SYNE1: variants seen among roughly 807,000 people sequenced by gnomAD.
SYNE1 encodes spectrin repeat containing nuclear envelope protein 1.
In SYNE1, 616 loss-of-function variants were observed where a neutral mutation model predicts 1,111.0. The observed-to-expected ratio is 0.55, with a 90% CI of 0.52 to 0.59. The LOEUF (loss-of-function observed/expected upper bound fraction) is 0.59. Ranked by LOEUF, SYNE1 falls within the 20% of genes least tolerant of loss-of-function variation. SYNE1 has a pLI of 0.00. For missense variants in SYNE1, 10,006 were observed against 10,417.0 expected (o/e 0.96, Z 1.72); for synonymous variants, 3,855 against 3,825.8 (o/e 1.01, Z -0.28).
intron 60 of SYNE1, 97 bp from the exon 61 acceptor site, chr6:152,369,224 C>T (rs559869675): frequency 1.3e-6 from 2 of 1,516,910 alleles, no homozygotes; most frequent in Admixed American, 3.7e-5. Context: ...CACTGGCAGG[C>T]AGTCCGTGTA....
At position 152,281,960 on chromosome 6, in the gene SYNE1, C is replaced by T. The variant is rs1188706681; in HGVS notation, c.18228G>A (p.Leu6076=). ...GGGCCTGTTCCTGCCTTTGTTCCTC[C>T]AGCTGATCATTCAACTTCTCCTGTT... ...QLLEEKLNDQ[L]EEQRQEQALQ... is the part of the protein sequence containing the mutation. The change falls in exon 97 of 146, where the codon CTG becomes CTA. Residue 6076 remains leucine, a synonymous_variant. Coordinates refer to ENST00000367255, the MANE Select transcript of SYNE1 (RefSeq NM_182961.4). 25 of 1,613,916 alleles carry T rather than the reference C, an allele frequency of 1.5e-5. No homozygotes were observed. The highest frequency in any genetic ancestry group is 2.0e-5 in the Non-Finnish European group (24 of 1,180,038).
chr6:152,156,145 A>T (rs2061339669), intron 131 of SYNE1, 48 bp from the exon 132 acceptor site: 1 of 1,608,418 alleles, frequency 6.2e-7, no homozygotes, highest in African/African-American at 1.3e-5. Context: ...ATGTATACAG[A>T]TGAGAGAAAC....
chr6:152,626,961 G>T (rs1018275413), intron 3 of SYNE1, among the ~76,000 whole-genome samples: 1 of 152,188 alleles, frequency 6.6e-6, no homozygotes, highest in Admixed American at 6.5e-5. Flanking sequence ...CAAAGAAAGT[G>T]GGTCTGTGAC....
At position 152,284,000 on chromosome 6, in the gene SYNE1, G is replaced by C; in HGVS notation, c.18185C>G (p.Ser6062Trp). The change falls in exon 96 of 146, where the codon TCG (serine) becomes TGG (tryptophan). Residue 6062 changes from serine to tryptophan, a missense_variant. Ser to Trp is a radical substitution (Grantham distance 177). This residue lies in a region of SYNE1 where 99 missense variants were observed against 147.8 expected (regional missense o/e 0.67). Transcript: ENST00000367255. Reference sequence around the variant, plus strand: ...TACCTCCAAAAGCTGCCGTTTCCCCGAGGCTTTCATCCTGATGGTGGACAT... The same window carrying C: ...TACCTCCAAAAGCTGCCGTTTCCCCCAGGCTTTCATCCTGATGGTGGACAT... ...ERMSTIRMKA[S>W]GKRQLLEEKL... 1 of 1,614,168 alleles carries C rather than the reference G, an allele frequency of 6.2e-7. No individual in the cohort carries two copies. Among genetic ancestry groups the C allele is most frequent in the Non-Finnish European group, 8.5e-7 (1 of 1,180,038 alleles).
rs767508394 is a variant in SYNE1, at chr6:152,300,673, G to A, written c.17650C>T (p.Pro5884Ser). ...SSPPACRSPSPVANTDASVNQ... is the reference protein window; with the variant it reads ...SSPPACRSPSSVANTDASVNQ... ...ACAGAAGCATCTGTATTAGCCACAGGTGAAGGGGAGCGACAGGCAGGTGGA... is the reference window on the plus strand; with the variant it reads ...ACAGAAGCATCTGTATTAGCCACAGATGAAGGGGAGCGACAGGCAGGTGGA... The change falls in exon 93 of 146, where the codon CCT (proline) becomes TCT (serine). Residue 5884 changes from proline to serine, a missense_variant. Physicochemically the swap from Pro to Ser is moderately conservative, Grantham distance 74. Transcript: ENST00000367255. 4.2e-5 allele frequency: 68 copies of A among 1,614,088 alleles called. No individual in the cohort carries two copies. Among genetic ancestry groups the A allele is most frequent in the Non-Finnish European group, 5.4e-5 (64 of 1,180,040 alleles).
In SYNE1 at chr6:152,140,005, C is replaced by A. The variant is rs143049227; in HGVS notation, c.25403G>T (p.Arg8468Leu). The change falls in exon 140 of 146, where the codon CGT (arginine) becomes CTT (leucine). Residue 8468 changes from arginine (R) to leucine (L), a missense_variant. Arg to Leu is a moderately radical substitution (Grantham distance 102). This residue lies in a region of SYNE1 where 761 missense variants were observed against 795.5 expected (regional missense o/e 0.96). Transcript: ENST00000367255. ...CTGGATGTCAGTGCTGAGTTCCAGA[C>A]GCTGGAGCTGTTCCAACTCCTCCTC... ...DTEEELEQLQRLELSTDIQTI... is the reference protein window; with the variant it reads ...DTEEELEQLQLLELSTDIQTI... The A allele has an allele frequency of 1.2e-6, 2 of 1,614,024 alleles. No individual in the cohort carries two copies. Among genetic ancestry groups the A allele is most frequent in the Non-Finnish European group, 1.7e-6 (2 of 1,180,050 alleles).
At chr6:152,470,514 A>G (rs1243855363) in intron 16 of SYNE1, among the ~76,000 whole-genome samples, 3 of 152,222 alleles carry the variant, frequency 2.0e-5, no homozygotes, top group Non-Finnish European at 2.9e-5. Flanking sequence ...GCATTTTGGA[A>G]CAAATGTTTC....
intron 127 of SYNE1, among the ~76,000 whole-genome samples, chr6:152,197,139 G>A (rs1042133211): frequency 2.4e-4 from 36 of 152,298 alleles, no homozygotes; most frequent in South Asian, 4.1e-4. Flanking sequence ...CTGGGGCACC[G>A]AAAAGAAGAG....
At chr6:152,599,237 C>A (rs914754605) in intron 3 of SYNE1, among the ~76,000 whole-genome samples, 1 of 152,176 alleles carries the variant, frequency 6.6e-6, no homozygotes, top group Admixed American at 6.5e-5. Flanking sequence ...ACTACACAAG[C>A]CTGCCAAGGA....
At chr6:152,300,578 CAG>C (rs749080513) in intron 93 of SYNE1, 61 bp downstream of exon 93, 2 of 1,609,010 alleles carry the variant, frequency 1.2e-6, no homozygotes, top group Non-Finnish European at 1.7e-6. Context: ...CTAATGGAAA[CAG>C]AGAATGGAGT....
chr6:152,443,467 C>T lies in SYNE1; in HGVS notation c.3837+944G>A, dbSNP rs1034564755. On this transcript the variant is annotated intron_variant, in intron 30 of 145. Coordinates refer to ENST00000367255, the MANE Select transcript of SYNE1 (RefSeq NM_182961.4). ...ATTTAGTAGAGACGGGGTTTCACCA[C>T]GTTAGCCAGGATGGTCTCGATCTGC... 1.8e-4 allele frequency among the ~76,000 whole-genome samples: 27 copies of T among 152,158 alleles called. No homozygotes were observed. The East Asian group carries it at 2.5e-3, about 14-fold the overall frequency.
At chr6:152,225,293 A>ATG in intron 116 of SYNE1, among the ~76,000 whole-genome samples, 1 of 136,280 alleles carries the variant, frequency 7.3e-6, no homozygotes, top group Non-Finnish European at 1.6e-5. Context: ...ACACACACAC[A>ATG]CACACACACG....
chr6:152,500,966 A>C (rs1358257696), intron 10 of SYNE1, among the ~76,000 whole-genome samples: 1 of 151,656 alleles, frequency 6.6e-6, no homozygotes, highest in Non-Finnish European at 1.5e-5. Flanking sequence ...AAAAAAAAAA[A>C]AGAAAACATA....
chr6:152,350,739 G>T lies in SYNE1; in HGVS notation c.11612C>A (p.Pro3871Gln), dbSNP rs768276234. The T allele has an allele frequency of 2.5e-6, 4 of 1,613,768 alleles. No homozygotes were observed. The East Asian group carries it at 8.9e-5, about 36-fold the overall frequency. ...SLQQTVLSHE[P>Q]SVKSVREKGE... is the part of the protein sequence containing the mutation. ...CTTCTCTCTCACTGACTTTACTGAT[G>T]GTTCATGGGACAGCACCGTTTGTTG... Residue 3871 changes from proline to glutamine, a missense_variant, in exon 71 of 146, where the codon CCA becomes CAA. Coordinates refer to ENST00000367255, the MANE Select transcript of SYNE1 (RefSeq NM_182961.4).
At chr6:152,227,981 T>C (rs967897253) in intron 115 of SYNE1, among the ~76,000 whole-genome samples, 3 of 152,188 alleles carry the variant, frequency 2.0e-5, no homozygotes, top group Non-Finnish European at 4.4e-5. Flanking sequence ...CTTCGATTAA[T>C]TCATAAATAT....
intron 10 of SYNE1, among the ~76,000 whole-genome samples, chr6:152,499,127 C>T (rs1203676330): frequency 6.6e-6 from 1 of 151,976 alleles, no homozygotes; most frequent in Non-Finnish European, 1.5e-5. Flanking sequence ...ATTACTTTCC[C>T]TATAAATATA....
At chr6:152,438,672 T>C (rs1435872294) in intron 32 of SYNE1, among the ~76,000 whole-genome samples, 1 of 152,162 alleles carries the variant, frequency 6.6e-6, no homozygotes, top group Non-Finnish European at 1.5e-5. Context: ...ATTTTCAAGA[T>C]TAAACATGAC....
intron 84 of SYNE1, among the ~76,000 whole-genome samples, chr6:152,320,454 CTT>C (rs1429976985): frequency 1.3e-5 from 2 of 152,036 alleles, no homozygotes; most frequent in Admixed American, 6.6e-5. Context: ...TATGTCTTCT[CTT>C]TGTCTCATAT....
At chr6:152,287,104 A>C (rs377550428) in intron 95 of SYNE1, among the ~76,000 whole-genome samples, 2 of 152,236 alleles carry the variant, frequency 1.3e-5, no homozygotes, top group Admixed American at 1.3e-4. Flanking sequence ...TAATTTTACT[A>C]AAGTATCCGT....
Sources: gnomAD v4.1 joint callset for allele counts (sites outside exome capture counted in the v4.1 genomes callset) on GRCh38, gnomAD v4.1.1 for gene constraint, gnomAD v4.1.1 regional missense constraint, MANE v1.5 for transcripts, NCBI Gene and HGNC (gene_info 2026-07-23, HGNC 2026-07-21) for gene names.